Variants in SLC39A11 observed in about 807,000 individuals in gnomAD.
SLC39A11 encodes zinc transporter ZIP11.
A neutral mutation model predicts 36.1 loss-of-function variants in SLC39A11; 33 were observed. That is an observed-to-expected ratio of 0.91 (90% confidence interval 0.69 to 1.22). The LOEUF (loss-of-function observed/expected upper bound fraction) is 1.22, where lower values mean the gene tolerates loss of function less well. Ranked by LOEUF, SLC39A11 falls within the 50% of genes most tolerant of loss-of-function variation. The pLI is 0.00. For missense variants in SLC39A11, 432 were observed against 430.3 expected (o/e 1.00, Z -0.03); for synonymous variants, 166 against 170.3 (o/e 0.97, Z 0.20).
chr17:73,032,645 AC>A (rs1381940033), intron 3 of SLC39A11, among the ~76,000 whole-genome samples: 2 of 151,986 alleles, frequency 1.3e-5, no homozygotes, highest in African/African-American at 4.8e-5. Flanking sequence ...TTCCACTTTT[AC>A]CTTTTAGCTG....
At chr17:72,829,092 C>A (rs887469043) in intron 6 of SLC39A11, among the ~76,000 whole-genome samples, 1 of 152,160 alleles carries the variant, frequency 6.6e-6, no homozygotes, top group Non-Finnish European at 1.5e-5. Context: ...CGGCTCACAC[C>A]TGTAATCCCA....
intron 3 of SLC39A11, among the ~76,000 whole-genome samples, chr17:73,036,116 TGG>T (rs2058906084): frequency 6.6e-6 from 1 of 152,200 alleles, no homozygotes; most frequent in Non-Finnish European, 1.5e-5. Flanking sequence ...AAAATCACTG[TGG>T]ACTTCAGACC....
chr17:72,819,183 AG>A (rs2077684789), intron 6 of SLC39A11, among the ~76,000 whole-genome samples: 2 of 142,622 alleles, frequency 1.4e-5, no homozygotes, highest in Non-Finnish European at 3.3e-5. Context: ...ATAATGGAGT[AG>A]GGTGGGCCCT....
chr17:72,856,298 T>A (rs1420513765), intron 5 of SLC39A11, among the ~76,000 whole-genome samples: 1 of 152,266 alleles, frequency 6.6e-6, no homozygotes, highest in Admixed American at 6.5e-5. Flanking sequence ...GGTATTTCTT[T>A]GACTACAAGT....
intron 6 of SLC39A11, among the ~76,000 whole-genome samples, chr17:72,805,903 C>A (rs2077238410): frequency 6.6e-6 from 1 of 152,042 alleles, no homozygotes; most frequent in South Asian, 2.1e-4. Context: ...CACCTGCCAC[C>A]ATGCCCAGCT....
In SLC39A11 at chr17:72,646,212, C is replaced by T. The variant is rs1024993657; in HGVS notation, c.*1372G>A. 4.6e-5 allele frequency: 7 copies of T among 152,648 alleles called. No individual in the cohort carries two copies. Among genetic ancestry groups the T allele is most frequent in the Admixed American group, 6.5e-5 (1 of 15,286 alleles). 9.5% of individuals were successfully genotyped at this position (152,648 alleles called of 1,614,324 possible). ...TAGCATTCACAGAGCAGGAGATTCA[C>T]CCTTGGAAGCAATTGAATGTGTAAA... On this transcript the variant is annotated 3_prime_UTR_variant, in exon 10 of 10. Coordinates refer to ENST00000255559, the MANE Select transcript of SLC39A11 (RefSeq NM_139177.4).
rs189792189 is a variant in SLC39A11 at position 72,856,862 on chromosome 17, G to C, written c.431-7058C>G. Among the ~76,000 whole-genome samples, 26 of 152,186 alleles carry C rather than the reference G, an allele frequency of 1.7e-4. No individual in the cohort carries two copies. In the East Asian group the frequency reaches 4.3e-3, roughly 25 times the overall value. On this transcript the variant is annotated intron_variant, in intron 5 of 9. Coordinates refer to ENST00000255559, the MANE Select transcript of SLC39A11 (RefSeq NM_139177.4). ...CACCCGGCTAATTTTTGTATTTTTA[G>C]TAGAGATGGGGTTTCACCATGTTGG...
intron 6 of SLC39A11, chr17:72,822,054 G>A (rs2077804369): frequency 6.6e-6 from 1 of 151,258 alleles, no homozygotes; most frequent in African/African-American, 2.4e-5. Context: ...GACTGGCTGG[G>A]GCCATTTCTC....
intron 7 of SLC39A11, among the ~76,000 whole-genome samples, chr17:72,649,826 CAA>C (rs2069769160): frequency 6.6e-6 from 1 of 152,066 alleles, no homozygotes; most frequent in Non-Finnish European, 1.5e-5. Flanking sequence ...CTCCTGACCT[CAA>C]GTGATCTGCC....
At chr17:72,762,429 G>A (rs1178282412) in intron 6 of SLC39A11, among the ~76,000 whole-genome samples, 3 of 152,096 alleles carry the variant, frequency 2.0e-5, no homozygotes, top group Non-Finnish European at 4.4e-5. Context: ...TACCCTATAT[G>A]GTCTAAAAAG....
intron 4 of SLC39A11, among the ~76,000 whole-genome samples, chr17:73,005,221 G>A (rs935053626): frequency 4.6e-5 from 7 of 152,196 alleles, no homozygotes; most frequent in African/African-American, 1.2e-4. Flanking sequence ...CAGACGATCC[G>A]CCAACCTCTG....
chr17:72,979,209 G>T (rs1443553767), intron 4 of SLC39A11, among the ~76,000 whole-genome samples: 1 of 152,158 alleles, frequency 6.6e-6, no homozygotes, highest in Non-Finnish European at 1.5e-5. Flanking sequence ...GCCGCCTTGT[G>T]AAGAAGCTAC....
chr17:72,654,051 G>T (rs1244487663), intron 7 of SLC39A11, among the ~76,000 whole-genome samples: 1 of 152,174 alleles, frequency 6.6e-6, no homozygotes, highest in African/African-American at 2.4e-5. Context: ...GTGCGGAAGG[G>T]TGGGGCATGG....
intron 6 of SLC39A11, among the ~76,000 whole-genome samples, chr17:72,748,348 G>A (rs1462264176): frequency 1.3e-5 from 2 of 151,570 alleles, no homozygotes; most frequent in East Asian, 3.9e-4. Flanking sequence ...TATCAATAAA[G>A]TCACATCCTA....
At chr17:72,692,368 G>C (rs1397407412) in intron 7 of SLC39A11, among the ~76,000 whole-genome samples, 1 of 152,158 alleles carries the variant, frequency 6.6e-6, no homozygotes, top group Non-Finnish European at 1.5e-5. Flanking sequence ...TGATGCATTA[G>C]TCTGTTTTCA....
intron 7 of SLC39A11, among the ~76,000 whole-genome samples, chr17:72,722,460 GTAT>G (rs1461586318): frequency 6.8e-6 from 1 of 147,122 alleles, no homozygotes; most frequent in South Asian, 2.3e-4. Flanking sequence ...GACAAACCAG[GTAT>G]TATTATGCAA....
intron 5 of SLC39A11, among the ~76,000 whole-genome samples, chr17:72,940,651 G>A (rs537039935): frequency 6.6e-6 from 1 of 152,290 alleles, no homozygotes; most frequent in South Asian, 2.1e-4. Flanking sequence ...TGCATAGTCT[G>A]CATTCCCAGC....
At chr17:72,668,164 CT>C (rs1307424835) in intron 7 of SLC39A11, among the ~76,000 whole-genome samples, 1 of 151,664 alleles carries the variant, frequency 6.6e-6, no homozygotes, top group Non-Finnish European at 1.5e-5. Context: ...AATATTAATG[CT>C]GTTTGCTATA....
chr17:72,707,517 AG>A (rs2072941423), intron 7 of SLC39A11, among the ~76,000 whole-genome samples: 1 of 152,370 alleles, frequency 6.6e-6, no homozygotes. Context: ...ATGTATAGGC[AG>A]GGAGACACTG....
Sources: gnomAD v4.1 joint callset for allele counts (sites outside exome capture counted in the v4.1 genomes callset) on GRCh38, gnomAD v4.1.1 for gene constraint, MANE v1.5 for transcripts, NCBI Gene and HGNC (gene_info 2026-07-23, HGNC 2026-07-21) for gene names.